MAN1A2: variants seen among roughly 807,000 people sequenced by gnomAD.
MAN1A2 encodes mannosidase alpha class 1A member 2, also known as mannosyl-oligosaccharide 1,2-alpha-mannosidase IB.
Under a neutral mutation model 75.7 loss-of-function variants are expected in MAN1A2, and 26 were observed. The ratio of observed to expected loss-of-function variants is 0.34; its 90% CI spans 0.25 to 0.48. The LOEUF (loss-of-function observed/expected upper bound fraction) is 0.48, where lower values mean the gene tolerates loss of function less well. Ranked by LOEUF, MAN1A2 falls within the 20% of genes least tolerant of loss-of-function variation. MAN1A2 has a pLI of 0.99. For synonymous variants in MAN1A2, 247 were observed against 264.6 expected (o/e 0.93, Z 0.65); for missense variants, 562 against 775.5 (o/e 0.72, Z 3.27).
At position 117,523,131 on chromosome 1, in the gene MAN1A2, AT is replaced by A; in HGVS notation, c.*178del. 1.4e-6 allele frequency: 1 copy of A among 739,508 alleles called. No individual in the cohort carries two copies. The allele number at this position is 739,508 out of a possible 1,614,324, so 45.8% of individuals were successfully genotyped here. A position where few individuals can be genotyped will look rare whatever the true frequency, so the allele number is the denominator to read the frequency against. On this transcript the variant is annotated 3_prime_UTR_variant, in exon 13 of 13. Transcript: ENST00000356554. The stretch of plus-strand genomic sequence containing the variant: ...GATACATCAACTTTGAAATTATTCC[AT>A]TTTATACCTGACCAAAACATGTTCT...
intron 1 of MAN1A2, among the ~76,000 whole-genome samples, chr1:117,389,834 T>C (rs1186733055): frequency 6.6e-6 from 1 of 152,048 alleles, no homozygotes; most frequent in Non-Finnish European, 1.5e-5. Flanking sequence ...TGATGGCTGC[T>C]TTAGGTTTTT....
rs1649441567 is a variant in MAN1A2, at chr1:117,452,187, AT to A, written c.951-8301del. ...CTGGGCATGGTGGTGCATGCCTGTA[AT>A]CCCAGCTACTTGGGAGGTTGAGGCA... On this transcript the variant is annotated intron_variant, in intron 6 of 12. Coordinates refer to ENST00000356554, the MANE Select transcript of MAN1A2 (RefSeq NM_006699.5). Among the ~76,000 whole-genome samples the A allele has an allele frequency of 3.3e-5, 5 of 151,588 alleles. No homozygotes were observed. In the South Asian group the frequency reaches 1.0e-3, roughly 32 times the overall value.
At chr1:117,406,600 T>C (rs1570717718) in intron 3 of MAN1A2, among the ~76,000 whole-genome samples, 4 of 152,192 alleles carry the variant, frequency 2.6e-5, no homozygotes, top group Admixed American at 2.0e-4. Context: ...TTGGGAGATG[T>C]TGTGGTAGAG....
In MAN1A2 at chr1:117,497,811, C is replaced by G. The variant is rs574689984; in HGVS notation, c.1504+829C>G. Reference sequence around the variant, plus strand: ...TCTCTGGCTTTAAAAACATGAGTTTCTATATGAAGTAATAGATAATGAGCT... The same window carrying G: ...TCTCTGGCTTTAAAAACATGAGTTTGTATATGAAGTAATAGATAATGAGCT... On this transcript the variant is annotated intron_variant, in intron 10 of 12. Transcript: ENST00000356554. 2.6e-4 allele frequency among the ~76,000 whole-genome samples: 40 copies of G among 151,834 alleles called. No homozygotes were observed. The East Asian group carries it at 7.0e-3, about 27-fold the overall frequency.
At chr1:117,491,165 G>A (rs1301915300) in intron 8 of MAN1A2, among the ~76,000 whole-genome samples, 1 of 152,018 alleles carries the variant, frequency 6.6e-6, no homozygotes, top group Non-Finnish European at 1.5e-5. Flanking sequence ...CTAAACAACA[G>A]ATTTTCAATG....
intron 8 of MAN1A2, among the ~76,000 whole-genome samples, chr1:117,473,182 T>G (rs1557965103): frequency 6.6e-6 from 1 of 151,906 alleles, no homozygotes; most frequent in Non-Finnish European, 1.5e-5. Context: ...ATTCCTCCAG[T>G]CTTTCTCATT....
rs941473672 is a variant in MAN1A2, at chr1:117,367,677, C to T, written c.-507C>T. On this transcript the variant is annotated 5_prime_UTR_variant, in exon 1 of 13. Coordinates refer to ENST00000356554, the MANE Select transcript of MAN1A2 (RefSeq NM_006699.5). ...TCCCAGCGAAGTGGGAGACCTTCCT[C>T]CCTGTTTGCAGACGTCCGTGGGAGA... 2 of 152,316 alleles carry T rather than the reference C, an allele frequency of 1.3e-5. No individual in the cohort carries two copies. Among genetic ancestry groups the T allele is most frequent in the African/African-American group, 4.8e-5 (2 of 41,454 alleles). 9.4% of individuals were successfully genotyped at this position (152,316 alleles called of 1,614,324 possible). A position where few individuals can be genotyped will look rare whatever the true frequency, so the allele number is the denominator to read the frequency against.
intron 2 of MAN1A2, among the ~76,000 whole-genome samples, chr1:117,404,710 G>T (rs1647558939): frequency 6.6e-6 from 1 of 152,166 alleles, no homozygotes; most frequent in South Asian, 2.1e-4. Context: ...TAGGGCAGGG[G>T]TTGACAGCTG....
Position 117,493,220 on chromosome 1 carries a change from A to G in MAN1A2, c.1242A>G (p.Lys414=), listed in dbSNP as rs1650938232. The stretch of plus-strand genomic sequence containing the variant: ...TGAAAGCATGGTTGATGTCAGATAA[A>G]ACAGACCATGAGGCAAGAAAGATGT... The part of the protein sequence containing the change: ...YLLKAWLMSD[K]TDHEARKMYD... The change falls in exon 9 of 13, where the codon AAA becomes AAG. Residue 414 remains lysine (K), a synonymous_variant. Transcript: ENST00000356554. The G allele has an allele frequency of 1.9e-6, 3 of 1,612,428 alleles. No individual in the cohort carries two copies. Among genetic ancestry groups the G allele is most frequent in the East Asian group, 2.2e-5 (1 of 44,588 alleles).
intron 5 of MAN1A2, among the ~76,000 whole-genome samples, chr1:117,434,239 T>C (rs1648774369): frequency 6.6e-6 from 1 of 152,228 alleles, no homozygotes; most frequent in African/African-American, 2.4e-5. Context: ...CTGTCTGTAA[T>C]AGTCTCTCAC....
chr1:117,430,334 G>A (rs1332401140), intron 5 of MAN1A2, among the ~76,000 whole-genome samples: 2 of 126,406 alleles, frequency 1.6e-5, no homozygotes, highest in East Asian at 2.3e-4. Context: ...CCTCCCGGAC[G>A]GGGTGGCTGC....
At chr1:117,498,925 A>G (rs551738202) in intron 10 of MAN1A2, among the ~76,000 whole-genome samples, 1 of 151,980 alleles carries the variant, frequency 6.6e-6, no homozygotes, top group South Asian at 2.1e-4. Context: ...AAATCAATTC[A>G]TAATCTAAGC....
chr1:117,460,261 A>G (rs1052609568), intron 6 of MAN1A2, among the ~76,000 whole-genome samples: 7 of 152,164 alleles, frequency 4.6e-5, no homozygotes, highest in African/African-American at 1.7e-4. Context: ...GTGAATGGAG[A>G]TGAGAATGGG....
chr1:117,399,949 C>A (rs1166750993), intron 1 of MAN1A2, among the ~76,000 whole-genome samples: 1 of 152,154 alleles, frequency 6.6e-6, no homozygotes, highest in Admixed American at 6.5e-5. Flanking sequence ...GGATTATGAT[C>A]TGTTCTCTGG....
rs990552897 is a variant in MAN1A2, at chr1:117,490,954, C to T, written c.1169-2193C>T. On this transcript the variant is annotated intron_variant, in intron 8 of 12. Coordinates refer to ENST00000356554, the MANE Select transcript of MAN1A2 (RefSeq NM_006699.5). ...CTAGCTCTCTTCAATTCTGTGAATGCTAAGAGAGGTGAGGAAGCTGTAGGA... is the reference window on the plus strand; with the variant it reads ...CTAGCTCTCTTCAATTCTGTGAATGTTAAGAGAGGTGAGGAAGCTGTAGGA... 3.9e-5 allele frequency among the ~76,000 whole-genome samples: 6 copies of T among 151,988 alleles called. 1 individual carries two copies. The highest frequency in any genetic ancestry group is 1.3e-4 in the Admixed American group (2 of 15,242).
At chr1:117,452,450 G>C (rs949348570) in intron 6 of MAN1A2, among the ~76,000 whole-genome samples, 1 of 152,234 alleles carries the variant, frequency 6.6e-6, no homozygotes, top group Non-Finnish European at 1.5e-5. Context: ...AAGAGTTCTT[G>C]AAGGAAATTA....
intron 6 of MAN1A2, among the ~76,000 whole-genome samples, chr1:117,453,363 A>G (rs1649482614): frequency 6.6e-6 from 1 of 152,244 alleles, no homozygotes; most frequent in Non-Finnish European, 1.5e-5. Context: ...GAAAGGAGTC[A>G]CTATTCTAGA....
chr1:117,394,599 G>A (rs922446960), intron 1 of MAN1A2, among the ~76,000 whole-genome samples: 21 of 152,204 alleles, frequency 1.4e-4, no homozygotes, highest in Admixed American at 1.2e-3. Flanking sequence ...TCTACTGAAT[G>A]AGTGTAAGAG....
At chr1:117,410,280 G>C (rs1177345561) in intron 3 of MAN1A2, among the ~76,000 whole-genome samples, 1 of 151,760 alleles carries the variant, frequency 6.6e-6, no homozygotes, top group Non-Finnish European at 1.5e-5. Flanking sequence ...TTTTACATTT[G>C]GAAATTAGCT....
Sources: allele counts gnomAD v4.1 joint callset (sites outside exome capture counted in the v4.1 genomes callset), GRCh38; gene constraint gnomAD v4.1.1; transcripts MANE v1.5; gene names NCBI Gene and HGNC (gene_info 2026-07-23, HGNC 2026-07-21).